CPXM2: variants seen among roughly 807,000 people sequenced by gnomAD.
The protein encoded by CPXM2 is carboxypeptidase X, M14 family member 2.
Under a neutral mutation model 86.1 loss-of-function variants are expected in CPXM2, and 66 were observed. The ratio of observed to expected loss-of-function variants is 0.77; its 90% CI spans 0.63 to 0.94. The LOEUF (loss-of-function observed/expected upper bound fraction) is 0.94, where lower values mean the gene tolerates loss of function less well. Among genes scored for constraint, CPXM2 ranks in the 40% least tolerant of loss-of-function variants. CPXM2 has a pLI of 0.00. For missense variants in CPXM2, 948 were observed against 1,026.3 expected, an observed-to-expected ratio of 0.92 and a Z score of 1.04; for synonymous variants, 388 against 400.2, an observed-to-expected ratio of 0.97 and a Z score of 0.36.
At chr10:123,918,932 C>T (rs562556040) in intron 2 of CPXM2, among the ~76,000 whole-genome samples, 7 of 152,138 alleles carry the variant, frequency 4.6e-5, no homozygotes, top group African/African-American at 1.7e-4. Context: ...CATGAAAACA[C>T]AGGGAAGGTA....
At chr10:123,853,208 A>G (rs1848640453) in intron 3 of CPXM2, among the ~76,000 whole-genome samples, 1 of 152,100 alleles carries the variant, frequency 6.6e-6, no homozygotes, top group African/African-American at 2.4e-5. Context: ...CATGACTGTA[A>G]GTTTCCTGAG....
intron 4 of CPXM2, among the ~76,000 whole-genome samples, chr10:123,828,439 G>A (rs1455634275): frequency 2.0e-5 from 3 of 152,182 alleles, no homozygotes; most frequent in Non-Finnish European, 2.9e-5. Context: ...TTGAATCATA[G>A]GGGCAGGTCT....
At chr10:123,749,958 A>C in intron 13 of CPXM2, 1 of 271,392 alleles carries the variant, frequency 3.7e-6, no homozygotes. Context: ...GGTGTGCACC[A>C]TCATGCTCGG....
intron 2 of CPXM2, among the ~76,000 whole-genome samples, chr10:123,871,538 C>T (rs1944896502): frequency 6.6e-6 from 1 of 152,186 alleles, no homozygotes; most frequent in Non-Finnish European, 1.5e-5. Context: ...GTACCACCTG[C>T]ACTATTATTT....
chr10:123,821,908 G>C (rs1334823820), intron 4 of CPXM2, among the ~76,000 whole-genome samples: 2 of 152,214 alleles, frequency 1.3e-5, no homozygotes, highest in African/African-American at 4.8e-5. Flanking sequence ...GTTGAGGAAA[G>C]GGTAAATGTC....
chr10:123,828,020 A>G lies in CPXM2; in HGVS notation c.653+14329T>C, dbSNP rs191571031. ...CTCTACAAAAAATTTTAAAAACAAAAATTAGCCAGATGTTGTGGTGCATGC... is the reference window on the plus strand; with the variant it reads ...CTCTACAAAAAATTTTAAAAACAAAGATTAGCCAGATGTTGTGGTGCATGC... On this transcript the variant is annotated intron_variant, in intron 4 of 13. Coordinates refer to ENST00000241305, the MANE Select transcript of CPXM2 (RefSeq NM_198148.3). Among the ~76,000 whole-genome samples the G allele has an allele frequency of 2.4e-3, 372 of 152,034 alleles. 1 individual carries two copies. Among genetic ancestry groups the G allele is most frequent in the African/African-American group, 8.2e-3 (342 of 41,486 alleles).
At chr10:123,777,360 C>CA (rs1350392634) in intron 7 of CPXM2, 8 of 152,492 alleles carry the variant, frequency 5.2e-5, no homozygotes, top group Non-Finnish European at 1.0e-4. Flanking sequence ...ACCTTGTCCT[C>CA]AAAATCACTT....
At position 123,936,570 on chromosome 10, in the gene CPXM2, C is replaced by T. The variant is rs145847222; in HGVS notation, n.174+2907G>A. 2.9e-3 allele frequency among the ~76,000 whole-genome samples: 441 copies of T among 152,268 alleles called. 1 individual carries two copies. Among genetic ancestry groups the T allele is most frequent in the Non-Finnish European group, 5.3e-3 (360 of 68,022 alleles). ...ATCTCAGCACCATGATGCATCCAAA[C>T]CAAAGGAAAATGCAACTCCCAGAAG... On this transcript the variant is annotated intron_variant and non_coding_transcript_variant, in intron 2 of 19. Coordinates refer to the CPXM2 transcript ENST00000368854.
At chr10:123,784,267 C>T (rs1847001025) in intron 6 of CPXM2, among the ~76,000 whole-genome samples, 1 of 152,186 alleles carries the variant, frequency 6.6e-6, no homozygotes, top group Non-Finnish European at 1.5e-5. Flanking sequence ...GACATCGTAC[C>T]ACTGGCAGCT....
chr10:123,796,693 G>A (rs898031658), intron 6 of CPXM2, among the ~76,000 whole-genome samples: 12 of 152,294 alleles, frequency 7.9e-5, no homozygotes, highest in African/African-American at 2.9e-4. Context: ...ATGAAGAGGG[G>A]GTTACTACAG....
intron 1 of CPXM2, among the ~76,000 whole-genome samples, chr10:123,888,618 A>G (rs1945217412): frequency 6.6e-6 from 1 of 152,260 alleles, no homozygotes; most frequent in Admixed American, 6.5e-5. Flanking sequence ...TTAACTGCAC[A>G]AAACTGTCAC....
At chr10:123,937,331 G>A (rs148125244) in intron 2 of CPXM2, among the ~76,000 whole-genome samples, 12 of 152,258 alleles carry the variant, frequency 7.9e-5, no homozygotes, top group East Asian at 3.9e-4. Flanking sequence ...GCATTGACCC[G>A]GCAGCTCAGG....
At chr10:123,872,875 G>A (rs1158059748) in intron 2 of CPXM2, among the ~76,000 whole-genome samples, 1 of 151,670 alleles carries the variant, frequency 6.6e-6, no homozygotes, top group Admixed American at 6.6e-5. Flanking sequence ...CCCAGACACT[G>A]TTCATCCTTT....
chr10:123,831,723 T>C (rs1459579765), intron 4 of CPXM2, among the ~76,000 whole-genome samples: 1 of 151,992 alleles, frequency 6.6e-6, no homozygotes, highest in African/African-American at 2.4e-5. Flanking sequence ...CCTTCTCAAG[T>C]TGCCATATCT....
intron 3 of CPXM2, among the ~76,000 whole-genome samples, chr10:123,849,228 T>C (rs1280059304): frequency 6.6e-6 from 1 of 152,184 alleles, no homozygotes; most frequent in Admixed American, 6.5e-5. Flanking sequence ...CCTCTGAAAA[T>C]GCTAATGAGC....
intron 2 of CPXM2, among the ~76,000 whole-genome samples, chr10:123,930,748 C>A (rs981992621): frequency 5.3e-5 from 8 of 152,176 alleles, no homozygotes; most frequent in Non-Finnish European, 7.3e-5. Context: ...GTGAGTCGAT[C>A]CAATGAATTG....
intron 4 of CPXM2, among the ~76,000 whole-genome samples, chr10:123,817,409 T>C (rs1847835670): frequency 6.6e-6 from 1 of 152,188 alleles, no homozygotes; most frequent in South Asian, 2.1e-4. Flanking sequence ...TGCCATCTTC[T>C]GCAAATAATG....
At chr10:123,767,249 A>AG in intron 9 of CPXM2, 97 bp from the exon 10 acceptor site, 7 of 1,151,548 alleles carry the variant, frequency 6.1e-6, no homozygotes, top group Non-Finnish European at 7.6e-6. Flanking sequence ...CCCTTGGGGA[A>AG]TGTCTCTAAG....
chr10:123,878,955 A>T (rs1269802590), intron 2 of CPXM2, among the ~76,000 whole-genome samples: 2 of 152,082 alleles, frequency 1.3e-5, no homozygotes, highest in African/African-American at 2.4e-5. Flanking sequence ...AAAGCACCAC[A>T]CTGTCAGGGT....
Sources: allele counts gnomAD v4.1 joint callset (sites outside exome capture counted in the v4.1 genomes callset), GRCh38; gene constraint gnomAD v4.1.1; transcripts MANE v1.5; gene names NCBI Gene and HGNC (gene_info 2026-07-23, HGNC 2026-07-21).